SORCS1: variants seen among roughly 807,000 people sequenced by gnomAD.
The protein encoded by SORCS1 is sortilin related VPS10 domain containing receptor 1, also known as VPS10 domain-containing receptor SorCS1.
Under a neutral mutation model 146.1 loss-of-function variants are expected in SORCS1, and 60 were observed. That is an observed-to-expected ratio of 0.41 (90% CI 0.33 to 0.51). SORCS1 has a LOEUF of 0.51. Ranked by LOEUF, SORCS1 falls within the 20% of genes least tolerant of loss-of-function variation. The probability of loss-of-function intolerance (pLI) is 0.21; values close to 1 mark genes in which losing one functional copy is unlikely to be tolerated. For missense variants in SORCS1, 1,352 were observed against 1,487.6 expected, an observed-to-expected ratio of 0.91 and a Z score of 1.50; for synonymous variants, 637 against 584.0, an observed-to-expected ratio of 1.09 and a Z score of -1.31.
Position 106,629,706 on chromosome 10 carries a change from T to C in SORCS1, c.2476-318A>G, listed in dbSNP as rs1277048132. Reference sequence around the variant, plus strand: ...TCCTCCAAAGGCTTTGGTAATAGTCTTAGCATCCACAAGGATAAAAGGTGT... The same window carrying C: ...TCCTCCAAAGGCTTTGGTAATAGTCCTAGCATCCACAAGGATAAAAGGTGT... On this transcript the variant is annotated intron_variant, in intron 18 of 25. Transcript: ENST00000263054. Among the ~76,000 whole-genome samples, 5 of 152,214 alleles carry C rather than the reference T, an allele frequency of 3.3e-5. No homozygotes were observed. The South Asian group carries it at 8.3e-4, about 25-fold the overall frequency.
At chr10:106,984,591 C>T (rs943862408) in intron 1 of SORCS1, among the ~76,000 whole-genome samples, 2 of 151,720 alleles carry the variant, frequency 1.3e-5, no homozygotes, top group Admixed American at 6.6e-5. Flanking sequence ...GATGGGGTTT[C>T]ACCGTGTTAG....
chr10:106,677,300 C>T lies in SORCS1; in HGVS notation c.1832+13G>A. On this transcript the variant is annotated intron_variant, in intron 13 of 25. Transcript: ENST00000263054. Reference sequence around the variant, plus strand: ...CATCAGGTGCAGATTTCACAGGCAGCATGTGCCCTTACCAAAGATGTCGAA... The same window carrying T: ...CATCAGGTGCAGATTTCACAGGCAGTATGTGCCCTTACCAAAGATGTCGAA... The T allele has an allele frequency of 1.9e-6, 3 of 1,612,154 alleles. No individual in the cohort carries two copies. In the South Asian group the frequency reaches 3.3e-5, roughly 18 times the overall value.
At chr10:106,597,798 C>T (rs1845994312) in intron 23 of SORCS1, among the ~76,000 whole-genome samples, 1 of 152,182 alleles carries the variant, frequency 6.6e-6, no homozygotes, top group Non-Finnish European at 1.5e-5. Context: ...ATACAATTTA[C>T]ACATTCCGAT....
intron 1 of SORCS1, among the ~76,000 whole-genome samples, chr10:106,970,532 G>T (rs941858230): frequency 6.6e-6 from 1 of 151,800 alleles, no homozygotes; most frequent in Non-Finnish European, 1.5e-5. Context: ...AGAGATGACA[G>T]GGTTTCGCCA....
chr10:106,743,345 G>A (rs1291751604), intron 5 of SORCS1, among the ~76,000 whole-genome samples: 1 of 152,160 alleles, frequency 6.6e-6, no homozygotes, highest in Non-Finnish European at 1.5e-5. Flanking sequence ...CCCTCCTGCT[G>A]CCTGGCTGCC....
intron 24 of SORCS1, among the ~76,000 whole-genome samples, chr10:106,588,229 C>T (rs1474276359): frequency 6.6e-6 from 1 of 152,196 alleles, no homozygotes; most frequent in African/African-American, 2.4e-5. Flanking sequence ...ATTTAATATG[C>T]CCCAGATTCA....
chr10:106,704,473 C>T (rs1039732703), intron 8 of SORCS1, among the ~76,000 whole-genome samples: 28 of 152,122 alleles, frequency 1.8e-4, no homozygotes, highest in African/African-American at 6.3e-4. Context: ...AGGCGGATCA[C>T]GAGGTCAGGA....
chr10:106,798,131 T>C (rs2136605565), intron 3 of SORCS1, among the ~76,000 whole-genome samples: 1 of 152,272 alleles, frequency 6.6e-6, no homozygotes. Context: ...TCTCACGAGA[T>C]CTGATGGCTT....
intron 7 of SORCS1, among the ~76,000 whole-genome samples, chr10:106,708,445 G>A (rs926214637): frequency 1.3e-5 from 2 of 152,030 alleles, no homozygotes; most frequent in South Asian, 2.1e-4. Context: ...TTATATATAC[G>A]TATAAGCTAT....
chr10:107,101,402 C>A (rs1738003321), intron 1 of SORCS1, among the ~76,000 whole-genome samples: 1 of 152,198 alleles, frequency 6.6e-6, no homozygotes, highest in African/African-American at 2.4e-5. Context: ...AATGAACCAA[C>A]ACTGACATGT....
chr10:106,790,055 T>A (rs1425033320), intron 3 of SORCS1, among the ~76,000 whole-genome samples: 1 of 152,180 alleles, frequency 6.6e-6, no homozygotes, highest in African/African-American at 2.4e-5. Context: ...ATCCCCATGA[T>A]CCAGGTCTCT....
chr10:106,981,978 C>T (rs1224781457), intron 1 of SORCS1, among the ~76,000 whole-genome samples: 2 of 152,202 alleles, frequency 1.3e-5, no homozygotes, highest in East Asian at 3.8e-4. Context: ...CCCATTCAAA[C>T]ATATTGACTT....
At chr10:106,656,933 G>A (rs1002639047) in intron 17 of SORCS1, among the ~76,000 whole-genome samples, 3 of 152,132 alleles carry the variant, frequency 2.0e-5, no homozygotes, top group Non-Finnish European at 4.4e-5. Context: ...ACAAATTTAA[G>A]AAGTCAAAAA....
intron 1 of SORCS1, among the ~76,000 whole-genome samples, chr10:107,104,366 T>C (rs555516008): frequency 6.6e-6 from 1 of 152,296 alleles, no homozygotes; most frequent in South Asian, 2.1e-4. Flanking sequence ...CCAAAAGAAG[T>C]CTGGAAATTG....
At chr10:106,652,322 G>A (rs1849925390) in intron 18 of SORCS1, 60 bp downstream of exon 18, 6 of 1,455,928 alleles carry the variant, frequency 4.1e-6, no homozygotes, top group Non-Finnish European at 5.5e-6. Context: ...ACAAAACCAT[G>A]GTTTATTAAG....
intron 1 of SORCS1, among the ~76,000 whole-genome samples, chr10:107,052,812 G>A (rs1960248360): frequency 6.6e-6 from 1 of 151,888 alleles, no homozygotes; most frequent in African/African-American, 2.4e-5. Context: ...TAGTGAAATA[G>A]GCCCTTATTA....
chr10:106,872,915 G>A (rs946224612), intron 2 of SORCS1, among the ~76,000 whole-genome samples: 3 of 151,942 alleles, frequency 2.0e-5, no homozygotes, highest in African/African-American at 4.8e-5. Flanking sequence ...TGGCTCACAC[G>A]TGTAATCCCA....
chr10:106,897,930 T>C (rs934638516), intron 2 of SORCS1, among the ~76,000 whole-genome samples: 16 of 152,224 alleles, frequency 1.1e-4, no homozygotes, highest in African/African-American at 3.9e-4. Flanking sequence ...TTTTCAGTCC[T>C]CTGGTGCAGC....
At chr10:107,089,802 C>A (rs907872484) in intron 1 of SORCS1, among the ~76,000 whole-genome samples, 3 of 152,184 alleles carry the variant, frequency 2.0e-5, no homozygotes, top group African/African-American at 4.8e-5. Flanking sequence ...ACATAAAGCA[C>A]TGAACACAAG....
Sources: allele counts gnomAD v4.1 joint callset (sites outside exome capture counted in the v4.1 genomes callset), GRCh38; gene constraint gnomAD v4.1.1; transcripts MANE v1.5; gene names NCBI Gene and HGNC (gene_info 2026-07-23, HGNC 2026-07-21).